The following SLC15A2 variants were observed in gnomAD, a reference collection of about 807,000 sequenced individuals.
The protein encoded by SLC15A2 is kidney H(+)/peptide cotransporter.
SLC15A2 carries 77 observed loss-of-function variants against 95.5 expected under a neutral mutation model. The ratio of observed to expected loss-of-function variants is 0.81; its 90% CI spans 0.67 to 0.97. The LOEUF is 0.97. SLC15A2 is among the 50% of genes least tolerant of loss of function. SLC15A2 has a pLI of 0.00. For synonymous variants in SLC15A2, 306 were observed against 306.9 expected (o/e 1.00, Z 0.03); for missense variants, 893 against 874.4 (o/e 1.02, Z -0.27).
intron 7 of SLC15A2, among the ~76,000 whole-genome samples, chr3:121,920,716 TG>T (rs1351422245): frequency 2.0e-5 from 3 of 152,164 alleles, no homozygotes; most frequent in African/African-American, 7.2e-5. Flanking sequence ...GGAGAAGCTT[TG>T]GGGAAATTGA....
At chr3:121,924,774 G>A (rs1710079261) in intron 12 of SLC15A2, among the ~76,000 whole-genome samples, 171 bp from the exon 13 acceptor site, 1 of 152,188 alleles carries the variant, frequency 6.6e-6, no homozygotes, top group Non-Finnish European at 1.5e-5. Context: ...CTATGCAAGG[G>A]AAATAGGGTC....
chr3:121,905,554 G>C (rs1203192404), intron 3 of SLC15A2, among the ~76,000 whole-genome samples: 3 of 152,146 alleles, frequency 2.0e-5, no homozygotes, highest in Non-Finnish European at 4.4e-5. Flanking sequence ...TTGTGTCTTT[G>C]TTCTCATTGG....
Position 121,915,247 on chromosome 3 carries a change from C to T in SLC15A2, c.549C>T (p.Tyr183=), listed in dbSNP as rs532215988. Reference sequence around the variant, plus strand: ...TTCAGGCAGAGGAACGGACTAGATACTTCTCAGTCTTCTACCTGTCCATCA... The same window carrying T: ...TTCAGGCAGAGGAACGGACTAGATATTTCTCAGTCTTCTACCTGTCCATCA... The part of the protein sequence containing the change: ...EEKHAEERTR[Y]FSVFYLSINA... The change falls in exon 6 of 22, where the codon TAC becomes TAT. Residue 183 remains tyrosine (Y), a synonymous_variant. Transcript: ENST00000489711. 4 of 1,613,474 alleles carry T rather than the reference C, an allele frequency of 2.5e-6. No homozygotes were observed. The highest frequency in any genetic ancestry group is 1.7e-5 in the Admixed American group (1 of 60,020).
intron 3 of SLC15A2, among the ~76,000 whole-genome samples, chr3:121,901,035 T>C (rs1312769913): frequency 6.6e-6 from 1 of 151,356 alleles, no homozygotes; most frequent in Non-Finnish European, 1.5e-5. Flanking sequence ...TTTTTTGTCG[T>C]TGAGGCAAAG....
At chr3:121,924,240 T>G in intron 11 of SLC15A2, 111 bp from the exon 12 acceptor site, 70 of 849,758 alleles carry the variant, frequency 8.2e-5, no homozygotes, top group Non-Finnish European at 1.1e-4. Context: ...ACCTGATGAA[T>G]TTTCTCTCAT....
chr3:121,912,424 G>A (rs1709786543), intron 4 of SLC15A2, among the ~76,000 whole-genome samples: 3 of 151,962 alleles, frequency 2.0e-5, no homozygotes, highest in Admixed American at 2.0e-4. Flanking sequence ...CGTAGAGATG[G>A]GGTTTTACCA....
In SLC15A2 at chr3:121,929,145, T is replaced by A; in HGVS notation, c.1505T>A (p.Met502Lys). The change falls in exon 16 of 22, where the codon ATG becomes AAG. Residue 502 changes from methionine (M) to lysine (K), a missense_variant and splice_region_variant. Transcript: ENST00000489711. ...GATGGGAACAGTATCTCCAGCATGA[T>A]GGTAATTTGAGGAATTGCCTGTGTT... ...REDGNSISSM[M>K]VKDTESRTTN... 1.2e-6 allele frequency: 2 copies of A among 1,610,520 alleles called. No homozygotes were observed. Among genetic ancestry groups the A allele is most frequent in the Non-Finnish European group, 1.7e-6 (2 of 1,177,712 alleles).
At chr3:121,912,472 G>T (rs1032287267) in intron 4 of SLC15A2, among the ~76,000 whole-genome samples, 1 of 152,134 alleles carries the variant, frequency 6.6e-6, no homozygotes, top group East Asian at 1.9e-4. Flanking sequence ...GACCTCAGGT[G>T]ATCCACCTGC....
chr3:121,903,416 G>A (rs1184738976), intron 3 of SLC15A2, among the ~76,000 whole-genome samples: 1 of 152,146 alleles, frequency 6.6e-6, no homozygotes, highest in Non-Finnish European at 1.5e-5. Flanking sequence ...TAGACATGAA[G>A]TCCTTGCCCA....
Position 121,896,451 on chromosome 3 carries a change from G to A in SLC15A2, c.151G>A (p.Val51Met). 1 of 1,614,124 alleles carries A rather than the reference G, an allele frequency of 6.2e-7. No homozygotes were observed. The highest frequency in any genetic ancestry group is 8.5e-7 in the Non-Finnish European group (1 of 1,179,996). The change falls in exon 2 of 22, where the codon GTG becomes ATG. Residue 51 changes from valine (V) to methionine (M), a missense_variant. Val to Met is a conservative substitution (Grantham distance 21). Coordinates refer to ENST00000489711, the MANE Select transcript of SLC15A2 (RefSeq NM_021082.4). ...NYPLSIAFIV[V>M]NEFCERFSYY... ...TCCACTGAGCATTGCCTTCATTGTGGTGAATGAATTCTGCGAGCGCTTTTC... is the reference window on the plus strand; with the variant it reads ...TCCACTGAGCATTGCCTTCATTGTGATGAATGAATTCTGCGAGCGCTTTTC...
At chr3:121,937,093 C>T (rs1710362701) in intron 19 of SLC15A2, among the ~76,000 whole-genome samples, 4 of 126,400 alleles carry the variant, frequency 3.2e-5, no homozygotes, top group African/African-American at 9.1e-5. Context: ...AATATTGGCC[C>T]CCACTCTCTT....
chr3:121,925,065 C>G (rs1349630300), intron 13 of SLC15A2, 32 bp downstream of exon 13: 2 of 1,393,966 alleles, frequency 1.4e-6, no homozygotes, highest in Non-Finnish European at 1.0e-6. Context: ...ATGGATTACT[C>G]TAAATTGACT....
chr3:121,930,287 A>G (rs1171821575), intron 17 of SLC15A2, among the ~76,000 whole-genome samples: 3 of 152,150 alleles, frequency 2.0e-5, no homozygotes, highest in Non-Finnish European at 4.4e-5. Flanking sequence ...AAATAGAAAG[A>G]TGGTCTTGGA....
At position 121,915,667 on chromosome 3, in the gene SLC15A2, C is replaced by G; in HGVS notation, c.671C>G (p.Pro224Arg). Residue 224 changes from proline (P) to arginine (R), a missense_variant, in exon 7 of 22, where the codon CCA (proline) becomes CGA (arginine). Pro to Arg is a moderately radical substitution (Grantham distance 103). Coordinates refer to ENST00000489711, the MANE Select transcript of SLC15A2 (RefSeq NM_021082.4). The part of the protein sequence containing the change: ...EDCYALAFGV[P>R]GLLMVIALVV... ...TGCTATGCATTGGCTTTTGGAGTTC[C>G]AGGACTGCTCATGGTAATTGCACTT... 6.2e-7 allele frequency: 1 copy of G among 1,613,844 alleles called. No individual in the cohort carries two copies. The highest frequency in any genetic ancestry group is 1.6e-4 in the Middle Eastern group (1 of 6,062).
intron 3 of SLC15A2, among the ~76,000 whole-genome samples, chr3:121,907,599 A>G (rs1709678290): frequency 6.6e-6 from 1 of 152,154 alleles, no homozygotes; most frequent in South Asian, 2.1e-4. Flanking sequence ...TTTTCCTTCT[A>G]ACAGTCAGGT....
Position 121,896,427 on chromosome 3 carries a change from C to A in SLC15A2, c.127C>A (p.Pro43Thr), listed in dbSNP as rs1185506240. The change falls in exon 2 of 22, where the codon CCA becomes ACA. Residue 43 changes from proline to threonine, a missense_variant. Transcript: ENST00000489711. ...ATAGACAATCTGTGGCTCCAACTAT[C>A]CACTGAGCATTGCCTTCATTGTGGT... The part of the protein sequence containing the change: ...PSPTICGSNY[P>T]LSIAFIVVNE... The A allele has an allele frequency of 1.1e-5, 18 of 1,613,826 alleles. No homozygotes were observed. The highest frequency in any genetic ancestry group is 1.4e-5 in the Non-Finnish European group (17 of 1,179,830).
rs770201776 is a variant in SLC15A2, at chr3:121,929,163, C to A, written c.1506+17C>A. 5 of 1,607,370 alleles carry A rather than the reference C, an allele frequency of 3.1e-6. No homozygotes were observed. The highest frequency in any genetic ancestry group is 4.3e-6 in the Non-Finnish European group (5 of 1,175,584). ...AGCATGATGGTAATTTGAGGAATTG[C>A]CTGTGTTTTCAGTTGTCATCTCAAA... On this transcript the variant is annotated intron_variant, in intron 16 of 21. Transcript: ENST00000489711.
chr3:121,916,865 G>C (rs1178747005), intron 7 of SLC15A2, among the ~76,000 whole-genome samples: 1 of 151,764 alleles, frequency 6.6e-6, no homozygotes, highest in African/African-American at 2.4e-5. Context: ...CTGTCGCCCA[G>C]GCTGGAGTGC....
intron 19 of SLC15A2, among the ~76,000 whole-genome samples, chr3:121,938,707 C>G (rs529267524): frequency 6.6e-6 from 1 of 151,876 alleles, no homozygotes; most frequent in Admixed American, 6.6e-5. Context: ...CAGATGGAAA[C>G]GCAGAAATCA....
Sources: allele counts gnomAD v4.1 joint callset (sites outside exome capture counted in the v4.1 genomes callset), GRCh38; gene constraint gnomAD v4.1.1; transcripts MANE v1.5; gene names NCBI Gene and HGNC (gene_info 2026-07-23, HGNC 2026-07-21).